Variants in PPIL2 observed in about 807,000 individuals in gnomAD.
PPIL2 encodes the protein peptidylprolyl isomerase like 2, also known as RING-type E3 ubiquitin-protein ligase PPIL2.
In PPIL2, 50 loss-of-function variants were observed where a neutral mutation model predicts 75.2. That is an observed-to-expected ratio of 0.66 (90% confidence interval 0.53 to 0.84). The LOEUF is 0.84. PPIL2 is among the 40% of genes least tolerant of loss of function. PPIL2 has a pLI of 0.00. For synonymous variants in PPIL2, 245 were observed against 258.8 expected (o/e 0.95, Z 0.51); for missense variants, 590 against 685.0 (o/e 0.86, Z 1.55).
chr22:21,694,137 C>T (rs540891550), intron 16 of PPIL2, among the ~76,000 whole-genome samples: 71 of 152,198 alleles, frequency 4.7e-4, no homozygotes, highest in South Asian at 6.2e-4. Flanking sequence ...CCCAGTGGCG[C>T]GCCACTCGCA....
Position 21,696,494 on chromosome 22 carries a change from C to T in PPIL2, c.*1004C>T. 1.6e-6 allele frequency: 2 copies of T among 1,253,788 alleles called. No individual in the cohort carries two copies. The highest frequency in any genetic ancestry group is 2.0e-6 in the Non-Finnish European group (2 of 986,612). The allele number at this position is 1,253,788 out of a possible 1,614,324, so 77.7% of individuals were successfully genotyped here. ...GGCCTTGGGCCAGCTGCATCAGCAG[C>T]CCTTAAAGAAAGACCCCTCCCTCAA... On this transcript the variant is annotated 3_prime_UTR_variant, in exon 20 of 20. Coordinates refer to ENST00000398831, the MANE Select transcript of PPIL2 (RefSeq NM_014337.4).
chr22:21,689,968 GCTCA>G (rs941357964), intron 15 of PPIL2, among the ~76,000 whole-genome samples: 15 of 152,330 alleles, frequency 9.8e-5, no homozygotes, highest in African/African-American at 3.4e-4. Context: ...CCTTCTGCCA[GCTCA>G]CTGTCACACG....
intron 6 of PPIL2, among the ~76,000 whole-genome samples, chr22:21,677,524 G>A (rs190121835): frequency 1.3e-5 from 2 of 152,312 alleles, no homozygotes; most frequent in Admixed American, 6.5e-5. Context: ...GCGAAACCCC[G>A]TCTCCACCCA....
chr22:21,667,786 T>C (rs1201505305), intron 1 of PPIL2, among the ~76,000 whole-genome samples: 1 of 143,168 alleles, frequency 7.0e-6, no homozygotes, highest in East Asian at 2.0e-4. Context: ...TTTTTTTTTT[T>C]TTTTTTTGAG....
At position 21,685,707 on chromosome 22, in the gene PPIL2, C is replaced by T. The variant is rs183012370; in HGVS notation, c.715-776C>T. On this transcript the variant is annotated intron_variant, in intron 10 of 19. Coordinates refer to ENST00000398831, the MANE Select transcript of PPIL2 (RefSeq NM_014337.4). ...AGTGAGAGCCTCCTGCCTTGGCCTC[C>T]GAAAGTGCTGGAATTACAGGTGTGA... 7.6e-3 allele frequency: 3,435 copies of T among 451,594 alleles called. 20 individuals carry two copies. Among genetic ancestry groups the T allele is most frequent in the Non-Finnish European group, 0.011 (2,424 of 225,730 alleles). 28.0% of individuals were successfully genotyped at this position (451,594 alleles called of 1,614,324 possible). A position where few individuals can be genotyped will look rare whatever the true frequency, so the allele number is the denominator to read the frequency against.
At chr22:21,679,337 C>T (rs425046) in intron 6 of PPIL2, among the ~76,000 whole-genome samples, 149,430 of 151,996 alleles carry the variant, frequency 0.98, 73,495 homozygotes, top group African/African-American at 1. Flanking sequence ...CCATGGTTTA[C>T]GCCTGCAATC....
In PPIL2 at chr22:21,696,557, TTTC is replaced by T; in HGVS notation, c.*1071_*1073del. On this transcript the variant is annotated 3_prime_UTR_variant, in exon 20 of 20. Coordinates refer to ENST00000398831, the MANE Select transcript of PPIL2 (RefSeq NM_014337.4). ...TGTTAAATGTGCCCCTGGCTGGCTT[TTTC>T]TTCGTCTTCAGCCCAGGCCAGTGGT... 4.3e-6 allele frequency: 6 copies of T among 1,389,766 alleles called. No homozygotes were observed. The highest frequency in any genetic ancestry group is 5.6e-6 in the Non-Finnish European group (6 of 1,071,558). 86.1% of individuals were successfully genotyped at this position (1,389,766 alleles called of 1,614,324 possible).
In PPIL2 at chr22:21,695,071, G is replaced by T; in HGVS notation, c.1466+1G>T. ...GCAAGTACATCAACCCAGCAGCCAC[G>T]TGAGTGCCGCGGGGCTGGCCTCCCT... On this transcript the variant is annotated splice_donor_variant, in intron 19 of 19. Transcript: ENST00000398831. LOFTEE classifies it high-confidence loss of function. The T allele has an allele frequency of 6.2e-7, 1 of 1,603,746 alleles. No homozygotes were observed. The highest frequency in any genetic ancestry group is 8.5e-7 in the Non-Finnish European group (1 of 1,178,144).
intron 16 of PPIL2, 146 bp from the exon 17 acceptor site, chr22:21,694,447 C>T: frequency 1.2e-6 from 1 of 810,436 alleles, no homozygotes. Flanking sequence ...CCTTGCCACT[C>T]CCTCTCATCG....
chr22:21,679,762 C>G (rs1460608907), intron 6 of PPIL2, among the ~76,000 whole-genome samples: 2 of 151,646 alleles, frequency 1.3e-5, no homozygotes, highest in Non-Finnish European at 2.9e-5. Flanking sequence ...GAGGCTCTAA[C>G]TTGGCCTCAA....
At chr22:21,693,943 C>T in intron 16 of PPIL2, 71 bp downstream of exon 16, 1 of 1,462,324 alleles carries the variant, frequency 6.8e-7, no homozygotes, top group Non-Finnish European at 9.6e-7. Context: ...CCTGAGGCCT[C>T]CTCACTGCCT....
intron 15 of PPIL2, among the ~76,000 whole-genome samples, chr22:21,693,431 C>G (rs1227508907): frequency 6.6e-6 from 1 of 152,230 alleles, no homozygotes; most frequent in East Asian, 1.9e-4. Context: ...TTTGTTGCCT[C>G]CTTTCTCCTC....
chr22:21,682,598 TACCCC>T, intron 8 of PPIL2, 72 bp downstream of exon 8: 2 of 779,916 alleles, frequency 2.6e-6, no homozygotes, highest in Admixed American at 6.6e-5. Flanking sequence ...TACAGGGCCC[TACCCC>T]CACGTCAGGG....
In PPIL2 at chr22:21,696,609, T is replaced by C; in HGVS notation, c.*1119T>C. ...GTCAGTGTTCTCATGTCATGGACTC[T>C]CCTTGCCTGACACTTGCCTCTTGGG... On this transcript the variant is annotated 3_prime_UTR_variant, in exon 20 of 20. Coordinates refer to ENST00000398831, the MANE Select transcript of PPIL2 (RefSeq NM_014337.4). 4 of 1,488,196 alleles carry C rather than the reference T, an allele frequency of 2.7e-6. No individual in the cohort carries two copies. The highest frequency in any genetic ancestry group is 3.6e-6 in the Non-Finnish European group (4 of 1,122,510). The allele number at this position is 1,488,196 out of a possible 1,614,324, so 92.2% of individuals were successfully genotyped here. A position where few individuals can be genotyped will look rare whatever the true frequency, so the allele number is the denominator to read the frequency against.
At chr22:21,684,430 C>T (rs1161649618) in intron 9 of PPIL2, among the ~76,000 whole-genome samples, 20 of 116,164 alleles carry the variant, frequency 1.7e-4, no homozygotes, top group Middle Eastern at 9.6e-3. Flanking sequence ...CCAGCCTGGA[C>T]GATAGAGCGA....
intron 16 of PPIL2, among the ~76,000 whole-genome samples, chr22:21,694,184 C>T (rs2067807410): frequency 6.6e-6 from 1 of 152,190 alleles, no homozygotes; most frequent in Non-Finnish European, 1.5e-5. Flanking sequence ...CCCTCTAGTC[C>T]AGGGGTCTTT....
intron 11 of PPIL2, among the ~76,000 whole-genome samples, 155 bp downstream of exon 11, chr22:21,686,713 G>C (rs547530101): frequency 7.9e-5 from 12 of 152,266 alleles, no homozygotes; most frequent in Admixed American, 2.0e-4. Context: ...ACCCCTGCCA[G>C]CCCCATGAGG....
rs2067891596 is a variant in PPIL2, at chr22:21,695,580, C to T, written c.*90C>T. 2.0e-6 allele frequency: 3 copies of T among 1,532,648 alleles called. No individual in the cohort carries two copies. The highest frequency in any genetic ancestry group is 1.4e-5 in the African/African-American group (1 of 72,530). The allele number at this position is 1,532,648 out of a possible 1,614,324, so 94.9% of individuals were successfully genotyped here. The stretch of plus-strand genomic sequence containing the variant: ...ATTTCCAGCCTTTCTAGCCTGCCCT[C>T]TGCTGCCAGCCAATAAATTGCTTGC... On this transcript the variant is annotated 3_prime_UTR_variant, in exon 20 of 20. Transcript: ENST00000398831.
At chr22:21,666,226 C>T (rs536392017) in intron 1 of PPIL2, 95 bp downstream of exon 1, 5 of 1,388,198 alleles carry the variant, frequency 3.6e-6, no homozygotes, top group African/African-American at 1.4e-5. Flanking sequence ...CTCAGCTACT[C>T]CCCAGAGCAC....
Sources: gnomAD v4.1 joint callset for allele counts (sites outside exome capture counted in the v4.1 genomes callset) on GRCh38, gnomAD v4.1.1 for gene constraint, MANE v1.5 for transcripts, NCBI Gene and HGNC (gene_info 2026-07-23, HGNC 2026-07-21) for gene names.